PCDH9: variants seen among roughly 807,000 people sequenced by gnomAD.
PCDH9 encodes protocadherin 9.
PCDH9 carries 24 observed loss-of-function variants against 70.6 expected under a neutral mutation model. That is an observed-to-expected ratio of 0.34 (90% confidence interval 0.25 to 0.48). The LOEUF (loss-of-function observed/expected upper bound fraction) is 0.48, where lower values mean the gene tolerates loss of function less well. Ranked by LOEUF, PCDH9 falls within the 20% of genes least tolerant of loss-of-function variation. PCDH9 has a pLI of 0.99. For synonymous variants in PCDH9, 562 were observed against 558.5 expected (o/e 1.01, Z -0.09); for missense variants, 1,281 against 1,503.6 (o/e 0.85, Z 2.45).
intron 2 of PCDH9, among the ~76,000 whole-genome samples, chr13:67,174,295 A>G (rs1173059325): frequency 6.8e-6 from 1 of 146,014 alleles, no homozygotes; most frequent in Non-Finnish European, 1.5e-5. Flanking sequence ...TAGACAGATG[A>G]TAGATAGATA....
chr13:66,529,171 C>G (rs189205468), intron 4 of PCDH9, among the ~76,000 whole-genome samples: 58 of 152,156 alleles, frequency 3.8e-4, no homozygotes, highest in African/African-American at 1.4e-3. Flanking sequence ...ATAAAGGCCT[C>G]TGGGAAATAT....
At chr13:66,425,402 T>C (rs1196266951) in intron 4 of PCDH9, among the ~76,000 whole-genome samples, 1 of 151,638 alleles carries the variant, frequency 6.6e-6, no homozygotes, top group Non-Finnish European at 1.5e-5. Context: ...TCCTACAGCC[T>C]GCCAATAATA....
At position 66,871,715 on chromosome 13, in the gene PCDH9, C is replaced by T. The variant is rs919124350; in HGVS notation, c.3138+31789G>A. Among the ~76,000 whole-genome samples the T allele has an allele frequency of 4.6e-5, 7 of 152,108 alleles. No homozygotes were observed. The East Asian group carries it at 1.3e-3, about 29-fold the overall frequency. On this transcript the variant is annotated intron_variant, in intron 3 of 4. Coordinates refer to ENST00000377865, the MANE Select transcript of PCDH9 (RefSeq NM_203487.3). ...ACTGTCACTAACAGCTTAATGTTTA[C>T]ATTATATATATTTGTTATATGAGGC... is the stretch of plus-strand genomic sequence containing the variant.
At chr13:67,075,969 G>A (rs2085869843) in intron 2 of PCDH9, among the ~76,000 whole-genome samples, 1 of 152,056 alleles carries the variant, frequency 6.6e-6, no homozygotes, top group African/African-American at 2.4e-5. Flanking sequence ...GGAATGCAGT[G>A]ATATGAGTAC....
intron 3 of PCDH9, among the ~76,000 whole-genome samples, chr13:66,883,648 T>TA (rs985280541): frequency 6.6e-6 from 1 of 152,088 alleles, no homozygotes; most frequent in Non-Finnish European, 1.5e-5. Flanking sequence ...TTAAAGGAGT[T>TA]AAAAAAAGGC....
intron 4 of PCDH9, among the ~76,000 whole-genome samples, chr13:66,543,629 T>C (rs1281999135): frequency 6.6e-6 from 1 of 151,654 alleles, no homozygotes; most frequent in East Asian, 1.9e-4. Context: ...TTCTTTCCAG[T>C]TTGAGAAGTG....
chr13:66,671,650 C>T (rs1402081650), intron 3 of PCDH9, among the ~76,000 whole-genome samples: 1 of 152,144 alleles, frequency 6.6e-6, no homozygotes, highest in Non-Finnish European at 1.5e-5. Flanking sequence ...CATTTTGCCC[C>T]TGCCCTAGAA....
At chr13:66,462,128 G>A (rs1006860178) in intron 4 of PCDH9, among the ~76,000 whole-genome samples, 2 of 151,754 alleles carry the variant, frequency 1.3e-5, no homozygotes, top group South Asian at 4.1e-4. Flanking sequence ...AATTGGCAGT[G>A]TTACAAACCA....
At chr13:66,817,880 T>C (rs111337394) in intron 3 of PCDH9, among the ~76,000 whole-genome samples, 187 of 152,270 alleles carry the variant, frequency 1.2e-3, no homozygotes, top group African/African-American at 4.2e-3. Flanking sequence ...TGCTGGCCTT[T>C]GCCTTCCAAA....
At chr13:66,916,975 A>G (rs1167482505) in intron 2 of PCDH9, among the ~76,000 whole-genome samples, 1 of 151,588 alleles carries the variant, frequency 6.6e-6, no homozygotes, top group Non-Finnish European at 1.5e-5. Context: ...ACAAAAGATA[A>G]CAAAACCTTA....
intron 4 of PCDH9, among the ~76,000 whole-genome samples, chr13:66,628,458 A>G (rs936261942): frequency 6.6e-6 from 1 of 152,332 alleles, no homozygotes; most frequent in Middle Eastern, 3.4e-3. Context: ...AAACTAAGCT[A>G]GAAAACATAA....
At chr13:66,863,554 A>G (rs1372190104) in intron 3 of PCDH9, among the ~76,000 whole-genome samples, 1 of 152,024 alleles carries the variant, frequency 6.6e-6, no homozygotes, top group African/African-American at 2.4e-5. Context: ...GGCAGGATCT[A>G]GGCTCACTGC....
chr13:66,784,409 G>A (rs1000817736), intron 3 of PCDH9, among the ~76,000 whole-genome samples: 1 of 152,126 alleles, frequency 6.6e-6, no homozygotes, highest in African/African-American at 2.4e-5. Context: ...GACCTGTGGT[G>A]AATTTCAGAA....
At position 66,621,977 on chromosome 13, in the gene PCDH9, G is replaced by A. The variant is rs1020864293; in HGVS notation, c.3340+9233C>T. Among the ~76,000 whole-genome samples, 13 of 152,232 alleles carry A rather than the reference G, an allele frequency of 8.5e-5. No individual in the cohort carries two copies. In the East Asian group the frequency reaches 1.4e-3, roughly 16 times the overall value. On this transcript the variant is annotated intron_variant, in intron 4 of 4. Transcript: ENST00000377865. ...AAGCGCCAGCGGGAACCGGGGCTGCGCGTGGGGCTTGCGGGCCAGCTGGAG... is the reference window on the plus strand; with the variant it reads ...AAGCGCCAGCGGGAACCGGGGCTGCACGTGGGGCTTGCGGGCCAGCTGGAG...
At chr13:66,996,698 A>T (rs1311249630) in intron 2 of PCDH9, among the ~76,000 whole-genome samples, 1 of 152,236 alleles carries the variant, frequency 6.6e-6, no homozygotes, top group Non-Finnish European at 1.5e-5. Context: ...TAAATGTACA[A>T]GTAAACTGAT....
intron 3 of PCDH9, among the ~76,000 whole-genome samples, chr13:66,680,055 A>T (rs894116121): frequency 2.0e-5 from 3 of 151,952 alleles, no homozygotes; most frequent in Admixed American, 6.6e-5. Flanking sequence ...TTAAGAGTTC[A>T]GATTCCTAAT....
At chr13:67,125,608 A>T (rs950906155) in intron 2 of PCDH9, among the ~76,000 whole-genome samples, 6 of 152,176 alleles carry the variant, frequency 3.9e-5, no homozygotes, top group African/African-American at 1.4e-4. Context: ...GTTATCAATA[A>T]ATATCACCAG....
rs578173249 is a variant in PCDH9, at chr13:66,969,220, A to C, written c.3037-65615T>G. Among the ~76,000 whole-genome samples the C allele has an allele frequency of 2.0e-4, 31 of 152,016 alleles. 1 individual carries two copies. Among genetic ancestry groups the C allele is most frequent in the Admixed American group, 1.9e-3 (29 of 15,230 alleles). On this transcript the variant is annotated intron_variant, in intron 2 of 4. Transcript: ENST00000377865. ...TTTTTTAACATTTGCAACGCACCTA[A>C]TTTTCAACCCATACTTTGTTATGAA...
chr13:66,921,713 A>C (rs1407929652), intron 2 of PCDH9, among the ~76,000 whole-genome samples: 2 of 151,328 alleles, frequency 1.3e-5, no homozygotes, highest in Non-Finnish European at 3.0e-5. Flanking sequence ...TCAAGGGAGG[A>C]CCACGTATAC....
Sources: gnomAD v4.1 joint callset for allele counts (sites outside exome capture counted in the v4.1 genomes callset) on GRCh38, gnomAD v4.1.1 for gene constraint, MANE v1.5 for transcripts, NCBI Gene and HGNC (gene_info 2026-07-23, HGNC 2026-07-21) for gene names.